The following MPP7 variants were observed in gnomAD, a reference collection of about 807,000 sequenced individuals.
MPP7 encodes MAGUK p55 subfamily member 7.
MPP7 carries 60 observed loss-of-function variants against 76.5 expected under a neutral mutation model. The observed-to-expected ratio is 0.78, with a 90% CI of 0.64 to 0.97. MPP7 has a LOEUF of 0.97. Among genes scored for constraint, MPP7 ranks in the 50% least tolerant of loss-of-function variants. The probability of loss-of-function intolerance (pLI) is 0.00; values close to 1 mark genes in which losing one functional copy is unlikely to be tolerated. For synonymous variants in MPP7, 237 were observed against 244.5 expected (o/e 0.97, Z 0.29); for missense variants, 641 against 694.0 (o/e 0.92, Z 0.86).
rs143260446 is a variant in MPP7, at chr10:28,089,342, C to T, written c.1123+329G>A. Among the ~76,000 whole-genome samples the T allele has an allele frequency of 3.6e-3, 550 of 152,296 alleles. 4 individuals are homozygous for T. Among genetic ancestry groups the T allele is most frequent in the Non-Finnish European group, 6.6e-3 (448 of 68,020 alleles). ...TGTACCATGCTGCTGCCTCAAAATG[C>T]TTTGAAACGAACTTGCATTGTGTTC... On this transcript the variant is annotated intron_variant, in intron 12 of 16. Coordinates refer to ENST00000683449, the MANE Select transcript of MPP7 (RefSeq NM_001318170.2).
chr10:28,094,790 T>C (rs1853485324), intron 11 of MPP7, among the ~76,000 whole-genome samples: 1 of 152,128 alleles, frequency 6.6e-6, no homozygotes, highest in Non-Finnish European at 1.5e-5. Flanking sequence ...ATTAAGACAT[T>C]TTAAATACAA....
At chr10:28,112,971 C>T (rs888380604) in intron 11 of MPP7, among the ~76,000 whole-genome samples, 2 of 152,140 alleles carry the variant, frequency 1.3e-5, no homozygotes, top group Admixed American at 6.5e-5. Flanking sequence ...AGCTCTCTGC[C>T]TCCTCCCACT....
upstream of MPP7, among the ~76,000 whole-genome samples, chr10:28,307,976 A>G (rs1841268447): frequency 6.6e-6 from 1 of 152,184 alleles, no homozygotes; most frequent in Non-Finnish European, 1.5e-5. Flanking sequence ...GGGTTCTTAG[A>G]GACCTGTACT....
At chr10:28,126,326 T>C (rs976395002) in intron 6 of MPP7, among the ~76,000 whole-genome samples, 3 of 152,230 alleles carry the variant, frequency 2.0e-5, no homozygotes, top group African/African-American at 7.2e-5. Flanking sequence ...ACTGGAAATG[T>C]AATATTCTCA....
intron 2 of MPP7, among the ~76,000 whole-genome samples, chr10:28,235,276 C>T (rs1839035824): frequency 6.6e-6 from 1 of 152,092 alleles, no homozygotes; most frequent in East Asian, 1.9e-4. Flanking sequence ...AATCATGTAT[C>T]AATATCATTT....
At position 28,237,463 on chromosome 10, in the gene MPP7, G is replaced by A. The variant is rs1309956774; in HGVS notation, c.37+1105C>T. Among the ~76,000 whole-genome samples the A allele has an allele frequency of 6.6e-5, 10 of 151,096 alleles. No individual in the cohort carries two copies. In the East Asian group the frequency reaches 7.7e-4, roughly 12 times the overall value. On this transcript the variant is annotated intron_variant, in intron 2 of 16. Coordinates refer to ENST00000683449, the MANE Select transcript of MPP7 (RefSeq NM_001318170.2). ...ACGAATCCTCAATGTAAATCACAGC[G>A]GAAAAAAAAAATCATTCTTGATGGA... is the stretch of plus-strand genomic sequence containing the variant.
At chr10:28,133,618 A>G (rs1835262763) in intron 5 of MPP7, among the ~76,000 whole-genome samples, 1 of 152,234 alleles carries the variant, frequency 6.6e-6, no homozygotes. Context: ...ACTATAACAT[A>G]TATACAAAAA....
chr10:28,235,574 A>G (rs1839046257), intron 2 of MPP7, among the ~76,000 whole-genome samples: 1 of 152,208 alleles, frequency 6.6e-6, no homozygotes, highest in Non-Finnish European at 1.5e-5. Flanking sequence ...GGACTACATG[A>G]AAAAATAAAA....
At position 28,303,052 on chromosome 10, in the gene MPP7, G is replaced by T. The variant is rs1311970802; in HGVS notation, c.-323C>A. 6.7e-6 allele frequency among the ~76,000 whole-genome samples: 1 copy of T among 150,082 alleles called. No homozygotes were observed. Among genetic ancestry groups the T allele is most frequent in the African/African-American group, 2.4e-5 (1 of 41,334 alleles). On this transcript the variant is annotated 5_prime_UTR_variant, in exon 1 of 17. Coordinates refer to ENST00000683449, the MANE Select transcript of MPP7 (RefSeq NM_001318170.2). ...GAGCCCGGCCCCCGCCTCCAGCCCGGCTAGTAACCAACACGGCCCCCACCC... is the reference window on the plus strand; with the variant it reads ...GAGCCCGGCCCCCGCCTCCAGCCCGTCTAGTAACCAACACGGCCCCCACCC...
chr10:28,244,221 G>C (rs1050885194), intron 1 of MPP7, among the ~76,000 whole-genome samples: 2 of 152,098 alleles, frequency 1.3e-5, no homozygotes, highest in African/African-American at 4.8e-5. Flanking sequence ...TAAGGATCTA[G>C]AAGTAGCATG....
intron 2 of MPP7, among the ~76,000 whole-genome samples, chr10:28,228,468 C>G (rs1478320093): frequency 6.6e-6 from 1 of 152,072 alleles, no homozygotes; most frequent in African/African-American, 2.4e-5. Context: ...TTTAAAAGAA[C>G]TAAGCAGCAC....
intron 11 of MPP7, among the ~76,000 whole-genome samples, chr10:28,116,624 T>C (rs530386675): frequency 4.6e-5 from 7 of 152,110 alleles, no homozygotes; most frequent in Admixed American, 2.0e-4. Context: ...CAAATTTCCA[T>C]TACAAATATC....
intron 3 of MPP7, among the ~76,000 whole-genome samples, chr10:28,184,008 A>G (rs1564684197): frequency 6.6e-6 from 1 of 152,080 alleles, no homozygotes; most frequent in Non-Finnish European, 1.5e-5. Context: ...TTTGATCCTT[A>G]TAACAACCAC....
At chr10:28,161,853 T>C (rs377158211) in intron 3 of MPP7, among the ~76,000 whole-genome samples, 9 of 152,282 alleles carry the variant, frequency 5.9e-5, no homozygotes, top group Non-Finnish European at 1.2e-4. Context: ...GAAAGGAAAT[T>C]GTAAAAATTG....
intron 1 of MPP7, among the ~76,000 whole-genome samples, chr10:28,293,958 C>T (rs370064305): frequency 1.8e-4 from 27 of 152,288 alleles, no homozygotes; most frequent in African/African-American, 6.5e-4. Context: ...TCCCGCAGGT[C>T]TGCAGAAAGA....
chr10:28,106,726 G>A (rs931664581), intron 11 of MPP7, among the ~76,000 whole-genome samples: 2 of 151,992 alleles, frequency 1.3e-5, no homozygotes, highest in African/African-American at 4.8e-5. Context: ...CGGACTCAAC[G>A]GCAATCCTTC....
chr10:28,305,107 T>C (rs933680433), upstream of MPP7, among the ~76,000 whole-genome samples: 2 of 152,166 alleles, frequency 1.3e-5, no homozygotes, highest in Admixed American at 6.5e-5. Context: ...TGCTCTAAGA[T>C]TTGAGGCACC....
At chr10:28,099,641 C>T (rs776353093) in intron 11 of MPP7, among the ~76,000 whole-genome samples, 3 of 151,986 alleles carry the variant, frequency 2.0e-5, no homozygotes, top group Non-Finnish European at 2.9e-5. Flanking sequence ...CCCGTCTCTA[C>T]TAAAAATACA....
rs561449260 is a variant in MPP7 at position 28,324,808 on chromosome 10, C to G, written c.-132+5121G>C. 3.9e-5 allele frequency among the ~76,000 whole-genome samples: 6 copies of G among 152,284 alleles called. No individual in the cohort carries two copies. In the East Asian group the frequency reaches 1.2e-3, roughly 29 times the overall value. On this transcript the variant is annotated intron_variant, in intron 2 of 11. Transcript: ENST00000441595. ...CTGGTTTATACATCCCGGAGTGAAT[C>G]TAGTCCTCACTATAAATCCTAGGAG...
Sources: allele counts gnomAD v4.1 joint callset (sites outside exome capture counted in the v4.1 genomes callset), GRCh38; gene constraint gnomAD v4.1.1; transcripts MANE v1.5; gene names NCBI Gene and HGNC (gene_info 2026-07-23, HGNC 2026-07-21).